The following GABRA3 variants were observed in gnomAD, a reference collection of about 807,000 sequenced individuals.
The protein encoded by GABRA3 is gamma-aminobutyric acid type A receptor subunit alpha3.
GABRA3 carries 10 observed loss-of-function variants against 30.1 expected under a neutral mutation model. That is an observed-to-expected ratio of 0.33 (90% confidence interval 0.20 to 0.56). The LOEUF (loss-of-function observed/expected upper bound fraction) is 0.56. Among genes scored for constraint, GABRA3 ranks in the 20% least tolerant of loss-of-function variants. The pLI is 0.89. For synonymous variants in GABRA3, 151 were observed against 146.8 expected (o/e 1.03, Z -0.21); for missense variants, 233 against 392.0 (o/e 0.59, Z 3.42).
intron 4 of GABRA3, among the ~76,000 whole-genome samples, chrX:152,275,690 C>T (rs1939070545): frequency 9.2e-6 from 1 of 108,163 alleles, no homozygotes; most frequent in Non-Finnish European, 1.9e-5. Context: ...ACCTGGGAGG[C>T]AGAAGTTGCA....
At chrX:152,376,392 A>G (rs1355217317) in intron 1 of GABRA3, among the ~76,000 whole-genome samples, 3 of 110,931 alleles carry the variant, frequency 2.7e-5, no homozygotes, top group Non-Finnish European at 3.8e-5. Flanking sequence ...GTCTCAACCT[A>G]CAAAATTAAC....
chrX:152,438,019 A>G (rs1399083128), intron 1 of GABRA3, among the ~76,000 whole-genome samples: 1 of 112,234 alleles, frequency 8.9e-6, no homozygotes, highest in Non-Finnish European at 1.9e-5. Context: ...TGTTAAGAGT[A>G]TGAAAATACA....
At chrX:152,221,398 C>A (rs1937835287) in intron 6 of GABRA3, among the ~76,000 whole-genome samples, 1 of 111,564 alleles carries the variant, frequency 9.0e-6, no homozygotes. Context: ...TACTTTGCAA[C>A]AATAATACCT....
At chrX:152,286,195 T>A (rs1939294595) in intron 3 of GABRA3, among the ~76,000 whole-genome samples, 1 of 92,556 alleles carries the variant, frequency 1.1e-5, no homozygotes, top group African/African-American at 5.2e-5. Context: ...TAAGTATATA[T>A]ACATCCAGAA....
At chrX:152,291,230 C>T (rs1013700825) in intron 3 of GABRA3, among the ~76,000 whole-genome samples, 1 of 111,733 alleles carries the variant, frequency 8.9e-6, no homozygotes, top group Non-Finnish European at 1.9e-5. Flanking sequence ...AGGTCCTTCA[C>T]ATCTCTTGTA....
At chrX:152,281,806 T>C (rs1939203884) in intron 4 of GABRA3, among the ~76,000 whole-genome samples, 1 of 112,414 alleles carries the variant, frequency 8.9e-6, no homozygotes, top group African/African-American at 3.2e-5. Context: ...AGAGGACCTC[T>C]GTCAGGTTCT....
intron 7 of GABRA3, among the ~76,000 whole-genome samples, chrX:152,200,312 C>G (rs1378321159): frequency 1.8e-5 from 2 of 111,953 alleles, no homozygotes; most frequent in African/African-American, 6.5e-5. Flanking sequence ...CTACCCACTC[C>G]CTTGTACCTA....
At chrX:152,190,908 G>A (rs1211946881) in intron 8 of GABRA3, among the ~76,000 whole-genome samples, 2 of 107,349 alleles carry the variant, frequency 1.9e-5, no homozygotes, top group Non-Finnish European at 3.8e-5. Context: ...TGTGATTAAC[G>A]GTATAAGCTT....
intron 3 of GABRA3, among the ~76,000 whole-genome samples, chrX:152,324,005 A>G (rs1243084486): frequency 8.9e-6 from 1 of 112,413 alleles, no homozygotes; most frequent in African/African-American, 3.2e-5. Flanking sequence ...TTACATCCCC[A>G]GAGCACTTAG....
intron 9 of GABRA3, among the ~76,000 whole-genome samples, chrX:152,177,829 C>T (rs181627788): frequency 1.8e-5 from 2 of 111,154 alleles, no homozygotes; most frequent in Non-Finnish European, 1.9e-5. Flanking sequence ...GAAATGAACA[C>T]GGAGAGAATA....
At chrX:152,343,584 T>C (rs1285058514) in intron 3 of GABRA3, among the ~76,000 whole-genome samples, 1 of 110,609 alleles carries the variant, frequency 9.0e-6, no homozygotes, top group Non-Finnish European at 1.9e-5. Flanking sequence ...AACCCCATAA[T>C]CTAAGCAGTC....
intron 1 of GABRA3, among the ~76,000 whole-genome samples, chrX:152,380,551 C>A (rs1254910665): frequency 8.9e-6 from 1 of 111,919 alleles, no homozygotes; most frequent in Non-Finnish European, 1.9e-5. Context: ...AACAGTGCTG[C>A]AACAAACATG....
chrX:152,284,838 C>CT (rs1351047466), intron 3 of GABRA3, 103 bp from the exon 4 acceptor site: 1 of 498,493 alleles, frequency 2.0e-6, no homozygotes, highest in Non-Finnish European at 3.2e-6. Flanking sequence ...CTTACTACTT[C>CT]TGAGAAAGGA....
At chrX:152,281,081 A>G (rs750714377) in intron 4 of GABRA3, among the ~76,000 whole-genome samples, 1 of 111,098 alleles carries the variant, frequency 9.0e-6, no homozygotes, top group Admixed American at 9.7e-5. Flanking sequence ...AAGCTAGGTC[A>G]GAAGGGAATT....
chrX:152,171,415 A>T, intron 9 of GABRA3: 1 of 647,804 alleles, frequency 1.5e-6, no homozygotes, highest in Non-Finnish European at 1.8e-6. Context: ...AGCCACTACA[A>T]TTTTTTACCT....
chrX:152,228,539 T>C (rs1938008102), intron 5 of GABRA3, among the ~76,000 whole-genome samples: 1 of 111,162 alleles, frequency 9.0e-6, no homozygotes, highest in Non-Finnish European at 1.9e-5. Context: ...AGGCAGTGTC[T>C]TGGAAATAAT....
At chrX:152,436,215 A>G (rs1341339163) in intron 1 of GABRA3, among the ~76,000 whole-genome samples, 2 of 112,053 alleles carry the variant, frequency 1.8e-5, no homozygotes, top group Non-Finnish European at 3.8e-5. Context: ...ATAGCCAAAG[A>G]CAGTTTTTAA....
chrX:152,224,698 T>C (rs1211861861), intron 6 of GABRA3, 65 bp downstream of exon 6: 25 of 812,276 alleles, frequency 3.1e-5, no homozygotes, highest in Non-Finnish European at 4.5e-5. Flanking sequence ...GAATATAATA[T>C]GTTAAGTTTC....
chrX:152,206,112 G>A (rs1369171463), intron 7 of GABRA3, among the ~76,000 whole-genome samples: 2 of 112,825 alleles, frequency 1.8e-5, no homozygotes, highest in Non-Finnish European at 3.7e-5. Context: ...GCAGTGCCCA[G>A]GACAGACGGG....
Sources: gnomAD v4.1 joint callset for allele counts (sites outside exome capture counted in the v4.1 genomes callset) on GRCh38, gnomAD v4.1.1 for gene constraint, MANE v1.5 for transcripts, NCBI Gene and HGNC (gene_info 2026-07-23, HGNC 2026-07-21) for gene names.